The following ZNF521 variants were observed in gnomAD, a reference collection of about 807,000 sequenced individuals.
The protein encoded by ZNF521 is LYST-interacting protein 3.
In ZNF521, 14 loss-of-function variants were observed where a neutral mutation model predicts 105.5. That is an observed-to-expected ratio of 0.13 (90% CI 0.09 to 0.21). The LOEUF (loss-of-function observed/expected upper bound fraction) is 0.21. Among genes scored for constraint, ZNF521 ranks in the 10% least tolerant of loss-of-function variants. The pLI is 1.00. For missense variants in ZNF521, 1,233 were observed against 1,629.7 expected, an observed-to-expected ratio of 0.76 and a Z score of 4.19; for synonymous variants, 635 against 606.0, an observed-to-expected ratio of 1.05 and a Z score of -0.70.
chr18:25,081,132 G>T (rs1250968018), intron 7 of ZNF521, among the ~76,000 whole-genome samples: 1 of 152,104 alleles, frequency 6.6e-6, no homozygotes, highest in African/African-American at 2.4e-5. Context: ...ATTTCCAGGG[G>T]GTGGGAGGGA....
intron 2 of ZNF521, among the ~76,000 whole-genome samples, chr18:25,343,063 C>T (rs1422827085): frequency 6.6e-6 from 1 of 152,184 alleles, no homozygotes; most frequent in Non-Finnish European, 1.5e-5. Context: ...GGACTGTTCA[C>T]CTCACTACAG....
chr18:25,285,722 A>T (rs1910667526), intron 3 of ZNF521, among the ~76,000 whole-genome samples: 1 of 151,532 alleles, frequency 6.6e-6, no homozygotes, highest in Non-Finnish European at 1.5e-5. Context: ...ACACACACAC[A>T]CACACACACG....
chr18:25,264,678 CATA>C (rs1909128655), intron 3 of ZNF521, among the ~76,000 whole-genome samples: 1 of 152,066 alleles, frequency 6.6e-6, no homozygotes, highest in South Asian at 2.1e-4. Context: ...TTTACATCTT[CATA>C]ATGTTTATTT....
At chr18:25,139,571 T>C (rs1455430515) in intron 5 of ZNF521, among the ~76,000 whole-genome samples, 1 of 151,944 alleles carries the variant, frequency 6.6e-6, no homozygotes, top group East Asian at 1.9e-4. Context: ...AGTAGAGGTG[T>C]TACAGCCCTT....
intron 3 of ZNF521, among the ~76,000 whole-genome samples, chr18:25,314,157 G>A (rs759862271): frequency 5.9e-5 from 9 of 152,150 alleles, no homozygotes; most frequent in Non-Finnish European, 1.0e-4. Flanking sequence ...TTTATTTCAT[G>A]TAATTTATTT....
Position 25,227,298 on chromosome 18 carries a change from C to T in ZNF521, c.620G>A (p.Cys207Tyr). ...ACTAGAGGACAGAAACCCACGGCGA[C>T]AAATGGCACATTTATATGGCTTGTT... is the stretch of plus-strand genomic sequence containing the variant. ...TSNKPYKCAI[C>Y]RRGFLSSSSL... The change falls in exon 4 of 8, where the codon TGT (cysteine) becomes TAT (tyrosine). Residue 207 changes from cysteine (C) to tyrosine (Y), a missense_variant. Transcript: ENST00000361524. The surrounding 1 kb of genome is among the most constrained non-coding windows in gnomAD (Gnocchi z 5.7). The T allele has an allele frequency of 6.2e-7, 1 of 1,614,182 alleles. No homozygotes were observed. Among genetic ancestry groups the T allele is most frequent in the Non-Finnish European group, 8.5e-7 (1 of 1,180,028 alleles).
intron 1 of ZNF521, 174 bp downstream of exon 1, chr18:25,351,831 G>T: frequency 5.9e-6 from 1 of 169,456 alleles, no homozygotes; most frequent in Non-Finnish European, 1.2e-5. Context: ...CGCGGCGCCG[G>T]CGGCTGGCGC....
intron 5 of ZNF521, among the ~76,000 whole-genome samples, chr18:25,182,028 C>T (rs1172301367): frequency 1.3e-5 from 2 of 152,052 alleles, no homozygotes; most frequent in Non-Finnish European, 2.9e-5. Context: ...GATACAGTTA[C>T]CTCTTATTTA....
chr18:25,210,872 G>T (rs1307069321), intron 4 of ZNF521, among the ~76,000 whole-genome samples: 2 of 152,170 alleles, frequency 1.3e-5, no homozygotes, highest in Non-Finnish European at 2.9e-5. Context: ...AAGCTTGCCA[G>T]ACATACACAG....
At chr18:25,315,062 T>C (rs906999913) in intron 3 of ZNF521, among the ~76,000 whole-genome samples, 6 of 152,292 alleles carry the variant, frequency 3.9e-5, no homozygotes, top group Admixed American at 3.9e-4. Flanking sequence ...CCTGAGGGAA[T>C]TGGCAAGAAA....
At chr18:25,178,254 T>C (rs1191119820) in intron 5 of ZNF521, among the ~76,000 whole-genome samples, 1 of 152,240 alleles carries the variant, frequency 6.6e-6, no homozygotes. Flanking sequence ...GTTGGAGGTT[T>C]CCAAGCCATT....
At position 25,128,106 on chromosome 18, in the gene ZNF521, C is replaced by CATAAAACA. The variant is rs1212518017; in HGVS notation, c.3659-36033_3659-36026dup. Among the ~76,000 whole-genome samples the CATAAAACA allele has an allele frequency of 4.0e-5, 6 of 151,640 alleles. No individual in the cohort carries two copies. The East Asian group carries it at 1.2e-3, about 29-fold the overall frequency. On this transcript the variant is annotated intron_variant, in intron 5 of 7. Transcript: ENST00000361524. ...TATTAGCAAATTGAATCCAACAATA[C>CATAAAACA]ATAAAACAATTATACCGTATGACCC...
At chr18:25,110,585 A>G (rs1316294038) in intron 5 of ZNF521, among the ~76,000 whole-genome samples, 2 of 151,978 alleles carry the variant, frequency 1.3e-5, no homozygotes, top group Non-Finnish European at 2.9e-5. Flanking sequence ...TCCTCAAATA[A>G]TTCAATATGT....
chr18:25,277,649 T>C (rs1910121452), intron 3 of ZNF521, among the ~76,000 whole-genome samples: 1 of 152,174 alleles, frequency 6.6e-6, no homozygotes, highest in Non-Finnish European at 1.5e-5. Flanking sequence ...AAATTAGCAT[T>C]TCACTAAGTT....
intron 3 of ZNF521, among the ~76,000 whole-genome samples, chr18:25,318,930 T>C (rs1231149926): frequency 7.5e-6 from 1 of 133,866 alleles, no homozygotes; most frequent in African/African-American, 2.9e-5. Flanking sequence ...TTTGTCCTCA[T>C]AAAGAACCAG....
At chr18:25,316,847 C>CTTTTTTTTTTTTTTTTTTT (rs200212987) in intron 3 of ZNF521, among the ~76,000 whole-genome samples, 1 of 126,980 alleles carries the variant, frequency 7.9e-6, no homozygotes, top group Non-Finnish European at 1.7e-5. Context: ...GCAAGTAAGA[C>CTTTTTTTTTTTTTTTTTTT]TTTTTTTTTT....
intron 4 of ZNF521, among the ~76,000 whole-genome samples, chr18:25,207,842 A>G (rs1160242376): frequency 6.6e-6 from 1 of 152,202 alleles, no homozygotes; most frequent in Non-Finnish European, 1.5e-5. Context: ...ATCATTACTG[A>G]TAATATATTG....
chr18:25,258,758 T>C (rs1348103665), intron 3 of ZNF521, among the ~76,000 whole-genome samples: 1 of 152,130 alleles, frequency 6.6e-6, no homozygotes, highest in African/African-American at 2.4e-5. Context: ...AAAATGACAC[T>C]GGAGACACGT....
At chr18:25,211,311 G>C (rs1014115993) in intron 4 of ZNF521, among the ~76,000 whole-genome samples, 1 of 151,966 alleles carries the variant, frequency 6.6e-6, no homozygotes, top group Non-Finnish European at 1.5e-5. Context: ...TCTGAGTTTT[G>C]GGAGTTTTTT....
Sources: allele counts gnomAD v4.1 joint callset (sites outside exome capture counted in the v4.1 genomes callset), GRCh38; gene constraint gnomAD v4.1.1; non-coding constraint Gnocchi (gnomAD v3.1); transcripts MANE v1.5; gene names NCBI Gene and HGNC (gene_info 2026-07-23, HGNC 2026-07-21).